Variants in ANKRD17 observed in about 807,000 individuals in gnomAD.
The protein encoded by ANKRD17 is ankyrin repeat domain-containing protein 17.
A neutral mutation model predicts 229.7 loss-of-function variants in ANKRD17; 19 were observed. The observed-to-expected ratio is 0.08, with a 90% confidence interval of 0.06 to 0.12. The LOEUF (loss-of-function observed/expected upper bound fraction) is 0.12, where lower values mean the gene tolerates loss of function less well. ANKRD17 is among the 10% of genes least tolerant of loss of function. The pLI is 1.00. For synonymous variants in ANKRD17, 1,112 were observed against 1,146.1 expected (o/e 0.97, Z 0.60); for missense variants, 2,176 against 3,176.8 (o/e 0.68, Z 7.57).
chr4:73,124,287 T>TAAAAAAAAAAAAAAAA (rs1727141804), intron 18 of ANKRD17, among the ~76,000 whole-genome samples: 1 of 24,288 alleles, frequency 4.1e-5, no homozygotes, highest in African/African-American at 2.7e-4. Context: ...GGACTGAATT[T>TAAAAAAAAAAAAAAAA]GAAAAAAAAA....
At chr4:73,081,146 T>C (rs529356083) in intron 30 of ANKRD17, among the ~76,000 whole-genome samples, 15 of 152,354 alleles carry the variant, frequency 9.8e-5, no homozygotes, top group Middle Eastern at 3.4e-3. Flanking sequence ...GTAATCTGAC[T>C]GAAATGGTCT....
chr4:73,116,552 C>T (rs1334777945), intron 22 of ANKRD17, among the ~76,000 whole-genome samples: 2 of 152,130 alleles, frequency 1.3e-5, no homozygotes, highest in Non-Finnish European at 2.9e-5. Context: ...GGATAAACAG[C>T]TGTTAATCTT....
intron 1 of ANKRD17, among the ~76,000 whole-genome samples, chr4:73,199,221 C>CTGTGTG (rs10577503): frequency 7.5e-4 from 106 of 140,472 alleles, no homozygotes; most frequent in Middle Eastern, 3.7e-3. Flanking sequence ...TACAGTTTGG[C>CTGTGTG]TGTGTGTGTG....
chr4:73,091,464 A>G lies in ANKRD17; in HGVS notation c.6164T>C (p.Val2055Ala), dbSNP rs1222123648. Residue 2055 changes from valine to alanine, a missense_variant, in exon 29 of 34, where the codon GTT (valine) becomes GCT (alanine). Transcript: ENST00000358602. Reference sequence around the variant, plus strand: ...ACAATCCAAAGGGCTGTTTCTAGAAACCCCTCCTGGCTGGGCTGGTGGTGA... The same window carrying G: ...ACAATCCAAAGGGCTGTTTCTAGAAGCCCCTCCTGGCTGGGCTGGTGGTGA... ...SPSPPAQPGG[V>A]SRNSPLDCGS... 6 of 1,613,060 alleles carry G rather than the reference A, an allele frequency of 3.7e-6. No homozygotes were observed. The East Asian group carries it at 1.3e-4, about 36-fold the overall frequency.
intron 1 of ANKRD17, among the ~76,000 whole-genome samples, chr4:73,198,035 A>G (rs1163574471): frequency 6.6e-6 from 1 of 152,180 alleles, no homozygotes; most frequent in Non-Finnish European, 1.5e-5. Context: ...AACCACCATC[A>G]TTCCTCTAAC....
chr4:73,124,951 T>C lies in ANKRD17; in HGVS notation c.3454A>G (p.Thr1152Ala). 1.2e-6 allele frequency: 2 copies of C among 1,614,186 alleles called. No individual in the cohort carries two copies. The highest frequency in any genetic ancestry group is 1.7e-6 in the Non-Finnish European group (2 of 1,180,042). Residue 1152 changes from threonine (T) to alanine (A), a missense_variant, in exon 18 of 34, where the codon ACA becomes GCA. Coordinates refer to ENST00000358602, the MANE Select transcript of ANKRD17 (RefSeq NM_032217.5). Reference protein sequence around the residue: ...IEAQSERTKDTPLSLACSGGR... With the variant: ...IEAQSERTKDAPLSLACSGGR... ...CCAGAACAAGCCAAGGAGAGTGGTGTGTCCTTGGTTCTTTCAGACTGGGCT... is the reference window on the plus strand; with the variant it reads ...CCAGAACAAGCCAAGGAGAGTGGTGCGTCCTTGGTTCTTTCAGACTGGGCT...
intron 1 of ANKRD17, among the ~76,000 whole-genome samples, chr4:73,245,293 C>A (rs906613760): frequency 6.6e-6 from 1 of 152,182 alleles, no homozygotes; most frequent in African/African-American, 2.4e-5. Flanking sequence ...CAGTCAAATG[C>A]TAATCTAGGT....
chr4:73,171,178 GGAGA>G (rs56882212), intron 2 of ANKRD17, among the ~76,000 whole-genome samples: 39,620 of 104,264 alleles, frequency 0.38, 6,976 homozygotes, highest in Middle Eastern at 0.46. Flanking sequence ...CTCAGAGGGG[GGAGA>G]GAGAGAGAGA....
chr4:73,225,322 T>C (rs548943643), intron 1 of ANKRD17, among the ~76,000 whole-genome samples: 2 of 152,282 alleles, frequency 1.3e-5, no homozygotes, highest in South Asian at 2.1e-4. Context: ...AAACCAAGAA[T>C]AGGCCTTCCA....
chr4:73,191,341 A>ATGTGTGTGTGTGTGTGTGTGTGTGTGTG lies in ANKRD17; in HGVS notation c.394-13836_394-13809dup, dbSNP rs71655741. ...AATAGGCCCCTACCAAAAAATATAT[A>ATGTGTGTGTGTGTGTGTGTGTGTGTGTG]TGTGTGTGTGTGTGTGTGTGTGTGT... On this transcript the variant is annotated intron_variant, in intron 1 of 33. Transcript: ENST00000358602. 1.4e-3 allele frequency among the ~76,000 whole-genome samples: 173 copies of ATGTGTGTGTGTGTGTGTGTGTGTGTGTG among 125,284 alleles called. 2 individuals are homozygous for ATGTGTGTGTGTGTGTGTGTGTGTGTGTG. Among genetic ancestry groups the ATGTGTGTGTGTGTGTGTGTGTGTGTGTG allele is most frequent in the Non-Finnish European group, 1.8e-3 (110 of 61,302 alleles). The allele number at this position is 125,284 out of a possible 152,430, so 82.2% of individuals were successfully genotyped here.
chr4:73,225,861 CAAAA>C (rs375866026), intron 1 of ANKRD17, among the ~76,000 whole-genome samples: 1 of 66,698 alleles, frequency 1.5e-5, no homozygotes, highest in African/African-American at 5.6e-5. Flanking sequence ...GACTCTGTCT[CAAAA>C]AAAAAAAAAA....
chr4:73,248,349 G>C (rs1578519488), intron 1 of ANKRD17, among the ~76,000 whole-genome samples: 1 of 151,828 alleles, frequency 6.6e-6, no homozygotes, highest in African/African-American at 2.4e-5. Context: ...TGATCATAAG[G>C]CACACAGTTA....
intron 1 of ANKRD17, among the ~76,000 whole-genome samples, chr4:73,230,174 G>A (rs184841182): frequency 4.6e-5 from 7 of 151,892 alleles, no homozygotes; most frequent in Admixed American, 2.6e-4. Flanking sequence ...AATATCTAAA[G>A]GATATATGTA....
chr4:73,211,434 G>C (rs1478913436), intron 1 of ANKRD17, among the ~76,000 whole-genome samples: 1 of 152,138 alleles, frequency 6.6e-6, no homozygotes, highest in Non-Finnish European at 1.5e-5. Flanking sequence ...GCTTTAGTTT[G>C]ATTCTTAAAT....
chr4:73,074,866 CAT>C lies in ANKRD17; in HGVS notation c.*1363_*1364del, dbSNP rs1720907136. 6.6e-6 allele frequency: 1 copy of C among 152,386 alleles called. No homozygotes were observed. The highest frequency in any genetic ancestry group is 6.5e-5 in the Admixed American group (1 of 15,270). The allele number at this position is 152,386 out of a possible 1,614,324, so 9.4% of individuals were successfully genotyped here. Reference sequence around the variant, plus strand: ...TTTTTCCATGAGACAGGGTAGGACACATAATCTTCTTGGATACATTACTGTTT... The same window carrying C: ...TTTTTCCATGAGACAGGGTAGGACACAATCTTCTTGGATACATTACTGTTT... On this transcript the variant is annotated 3_prime_UTR_variant, in exon 34 of 34. Transcript: ENST00000358602.
chr4:73,241,145 C>A, intron 1 of ANKRD17, among the ~76,000 whole-genome samples: 1 of 151,958 alleles, frequency 6.6e-6, no homozygotes. Context: ...ATATACTGAG[C>A]AGATATTTGG....
At chr4:73,131,283 TTCAGCATTTG>T (rs1728169879) in intron 16 of ANKRD17, among the ~76,000 whole-genome samples, 2 of 152,220 alleles carry the variant, frequency 1.3e-5, no homozygotes, top group African/African-American at 4.8e-5. Context: ...ATGCAAACTC[TTCAGCATTTG>T]TCAAGGATCA....
At chr4:73,155,885 C>G (rs112286396) in intron 4 of ANKRD17, 107 bp from the exon 5 acceptor site, 16 of 1,473,632 alleles carry the variant, frequency 1.1e-5, no homozygotes, top group Non-Finnish European at 1.3e-5. Flanking sequence ...GAGCTATAAG[C>G]ACACAAAATT....
intron 1 of ANKRD17, among the ~76,000 whole-genome samples, chr4:73,193,827 G>A (rs1337866301): frequency 4.6e-5 from 7 of 151,894 alleles, no homozygotes; most frequent in Non-Finnish European, 8.8e-5. Context: ...CCAAGTACTC[G>A]GGGCTGGGGC....
Sources: allele counts gnomAD v4.1 joint callset (sites outside exome capture counted in the v4.1 genomes callset), GRCh38; gene constraint gnomAD v4.1.1; transcripts MANE v1.5; gene names NCBI Gene and HGNC (gene_info 2026-07-23, HGNC 2026-07-21).